MAPK4: variants seen among roughly 807,000 people sequenced by gnomAD.
MAPK4 encodes mitogen-activated protein kinase 4.
A neutral mutation model predicts 47.7 loss-of-function variants in MAPK4; 22 were observed. The observed-to-expected ratio is 0.46, with a 90% CI of 0.33 to 0.66. The LOEUF is 0.66. Ranked by LOEUF, MAPK4 falls within the 30% of genes least tolerant of loss-of-function variation. The pLI is 0.02. For synonymous variants in MAPK4, 390 were observed against 365.7 expected (o/e 1.07, Z -0.76); for missense variants, 736 against 831.7 (o/e 0.88, Z 1.42).
chr18:50,692,806 A>G (rs1351692245), intron 2 of MAPK4, among the ~76,000 whole-genome samples: 1 of 152,124 alleles, frequency 6.6e-6, no homozygotes, highest in Non-Finnish European at 1.5e-5. Context: ...GTCCTTTTAC[A>G]GGATCCCCAG....
chr18:50,724,636 T>C (rs1911098184), intron 4 of MAPK4, among the ~76,000 whole-genome samples: 1 of 152,210 alleles, frequency 6.6e-6, no homozygotes, highest in Non-Finnish European at 1.5e-5. Flanking sequence ...TACTGCTGCT[T>C]AACTAATTTG....
intron 2 of MAPK4, among the ~76,000 whole-genome samples, chr18:50,699,826 T>C (rs1055035703): frequency 6.6e-6 from 1 of 152,152 alleles, no homozygotes; most frequent in Non-Finnish European, 1.5e-5. Context: ...TTTGTTATTA[T>C]AGTTTTATTA....
intron 2 of MAPK4, among the ~76,000 whole-genome samples, chr18:50,691,217 C>G (rs1311561844): frequency 6.6e-6 from 1 of 152,014 alleles, no homozygotes; most frequent in African/African-American, 2.4e-5. Flanking sequence ...GGTCTCAAAA[C>G]TCTTGATTGC....
At chr18:50,562,418 TAAAAA>T (rs35910187) in intron 1 of MAPK4, among the ~76,000 whole-genome samples, 4 of 137,800 alleles carry the variant, frequency 2.9e-5, no homozygotes, top group African/African-American at 2.6e-5. Flanking sequence ...TTTTGGCCAA[TAAAAA>T]AAAAAAAAAA....
chr18:50,602,164 G>A (rs531731652), intron 1 of MAPK4, among the ~76,000 whole-genome samples: 1 of 152,314 alleles, frequency 6.6e-6, no homozygotes, highest in South Asian at 2.1e-4. Flanking sequence ...TTTGAGAAAT[G>A]CCGCAGATCT....
chr18:50,632,408 G>A (rs16952250), intron 1 of MAPK4, among the ~76,000 whole-genome samples: 2,270 of 152,148 alleles, frequency 0.015, 52 homozygotes, highest in African/African-American at 0.047. Flanking sequence ...TCCAGTGCCC[G>A]TCTCAAATGT....
chr18:50,696,845 G>A (rs1306106064), intron 2 of MAPK4, among the ~76,000 whole-genome samples: 1 of 152,210 alleles, frequency 6.6e-6, no homozygotes, highest in South Asian at 2.1e-4. Flanking sequence ...CATACAGGGA[G>A]TCTTCCTGGT....
chr18:50,621,257 G>A (rs2042729235), intron 1 of MAPK4, among the ~76,000 whole-genome samples: 1 of 152,152 alleles, frequency 6.6e-6, no homozygotes, highest in African/African-American at 2.4e-5. Flanking sequence ...GACAGAAGAT[G>A]CTTGGCCTGC....
intron 1 of MAPK4, among the ~76,000 whole-genome samples, chr18:50,617,060 C>T (rs966079422): frequency 6.6e-6 from 1 of 152,204 alleles, no homozygotes; most frequent in African/African-American, 2.4e-5. Context: ...ATCTCTAAGG[C>T]TCCAGCTTTT....
At position 50,614,142 on chromosome 18, in the gene MAPK4, C is replaced by G. The variant is rs186168581; in HGVS notation, c.-870-48947C>G. Among the ~76,000 whole-genome samples the G allele has an allele frequency of 1.9e-3, 285 of 152,198 alleles. 1 individual carries two copies. The highest frequency in any genetic ancestry group is 6.7e-3 in the African/African-American group (277 of 41,534). Reference sequence around the variant, plus strand: ...GGACAATGTTTGGATGAAACAATAACATATACATATAATTCATAAATTATA... The same window carrying G: ...GGACAATGTTTGGATGAAACAATAAGATATACATATAATTCATAAATTATA... On this transcript the variant is annotated intron_variant, in intron 1 of 5. Coordinates refer to ENST00000400384, the MANE Select transcript of MAPK4 (RefSeq NM_002747.4).
intron 1 of MAPK4, among the ~76,000 whole-genome samples, chr18:50,606,348 G>A (rs1181449449): frequency 1.3e-5 from 2 of 151,856 alleles, no homozygotes; most frequent in Non-Finnish European, 2.9e-5. Context: ...TAATACACTA[G>A]GGATTTTGTC....
chr18:50,642,577 A>C (rs931038531), intron 1 of MAPK4, among the ~76,000 whole-genome samples: 2 of 152,216 alleles, frequency 1.3e-5, no homozygotes, highest in Non-Finnish European at 2.9e-5. Context: ...TTGCCCTGTA[A>C]TATAAACACA....
At chr18:50,592,513 T>C (rs965069935) in intron 1 of MAPK4, among the ~76,000 whole-genome samples, 1 of 22,004 alleles carries the variant, frequency 4.5e-5, no homozygotes, top group African/African-American at 1.8e-4. Context: ...CGTGAACCAA[T>C]TAATTACAAC....
intron 2 of MAPK4, among the ~76,000 whole-genome samples, chr18:50,701,338 T>A (rs1277151427): frequency 2.6e-5 from 4 of 152,104 alleles, no homozygotes; most frequent in African/African-American, 7.2e-5. Context: ...GTTCACATGG[T>A]CATGTGTTTT....
intron 1 of MAPK4, among the ~76,000 whole-genome samples, chr18:50,564,041 C>T (rs568470516): frequency 6.6e-6 from 1 of 152,278 alleles, no homozygotes; most frequent in Non-Finnish European, 1.5e-5. Context: ...CCTGAAACCA[C>T]CACCCCCTCA....
chr18:50,598,857 A>T (rs1379857415), intron 1 of MAPK4, among the ~76,000 whole-genome samples: 1 of 152,112 alleles, frequency 6.6e-6, no homozygotes, highest in East Asian at 1.9e-4. Context: ...TATCATAATT[A>T]TATTGGGGTT....
At chr18:50,681,537 T>C (rs994347136) in intron 2 of MAPK4, among the ~76,000 whole-genome samples, 2 of 152,196 alleles carry the variant, frequency 1.3e-5, no homozygotes, top group African/African-American at 4.8e-5. Context: ...ATTTCTTCAA[T>C]TTTTGTAGTT....
chr18:50,677,089 C>T (rs116389895), intron 2 of MAPK4, among the ~76,000 whole-genome samples: 2,033 of 152,074 alleles, frequency 0.013, 47 homozygotes, highest in African/African-American at 0.046. Flanking sequence ...TTGTGAACTG[C>T]GCATACAAGG....
At chr18:50,577,499 A>AT (rs1415801182) in intron 1 of MAPK4, among the ~76,000 whole-genome samples, 1 of 152,150 alleles carries the variant, frequency 6.6e-6, no homozygotes, top group South Asian at 2.1e-4. Flanking sequence ...TGGGAATCAG[A>AT]TTTTTTGTGA....
Sources: allele counts gnomAD v4.1 joint callset (sites outside exome capture counted in the v4.1 genomes callset), GRCh38; gene constraint gnomAD v4.1.1; transcripts MANE v1.5; gene names NCBI Gene and HGNC (gene_info 2026-07-23, HGNC 2026-07-21).